CREB3L3: variants seen among roughly 807,000 people sequenced by gnomAD.
CREB3L3 encodes the protein cAMP responsive element binding protein 3 like 3, also known as cyclic AMP-responsive element-binding protein 3-like protein 3.
Under a neutral mutation model 44.6 loss-of-function variants are expected in CREB3L3, and 40 were observed. That is an observed-to-expected ratio of 0.90 (90% CI 0.70 to 1.17). The LOEUF (loss-of-function observed/expected upper bound fraction) is 1.17. Among genes scored for constraint, CREB3L3 ranks in the 50% most tolerant of loss-of-function variants. CREB3L3 has a pLI of 0.00. For synonymous variants in CREB3L3, 273 were observed against 256.3 expected, an observed-to-expected ratio of 1.06 and a Z score of -0.62; for missense variants, 578 against 595.8, an observed-to-expected ratio of 0.97 and a Z score of 0.31.
chr19:4,170,312 A>G (rs1967015066), intron 7 of CREB3L3, 104 bp downstream of exon 7: 4 of 1,210,890 alleles, frequency 3.3e-6, no homozygotes, highest in Non-Finnish European at 4.9e-6. Context: ...CATAGGGAAT[A>G]AGAGTTTTAC....
At chr19:4,166,563 A>ATT (rs377234051) in intron 5 of CREB3L3, among the ~76,000 whole-genome samples, 23 of 131,460 alleles carry the variant, frequency 1.7e-4, no homozygotes, top group African/African-American at 5.5e-4. Flanking sequence ...TGCGCCCAGC[A>ATT]TTTTTTTTTT....
chr19:4,168,853 T>A (rs1193141277), intron 6 of CREB3L3, among the ~76,000 whole-genome samples: 1 of 152,002 alleles, frequency 6.6e-6, no homozygotes, highest in African/African-American at 2.4e-5. Flanking sequence ...TGCCTCAGCC[T>A]CTCCAGAAGC....
chr19:4,161,723 A>G (rs1304151731), intron 4 of CREB3L3, among the ~76,000 whole-genome samples: 1 of 152,202 alleles, frequency 6.6e-6, no homozygotes, highest in East Asian at 1.9e-4. Flanking sequence ...CTGTTTCTCC[A>G]ATGCCAAAGG....
chr19:4,164,181 A>T (rs641554), intron 4 of CREB3L3, among the ~76,000 whole-genome samples: 2 of 151,096 alleles, frequency 1.3e-5, no homozygotes, highest in East Asian at 3.9e-4. Context: ...CACCATGTTG[A>T]CCAGGATGGT....
intron 4 of CREB3L3, among the ~76,000 whole-genome samples, chr19:4,163,458 G>A (rs544935818): frequency 6.6e-6 from 1 of 152,250 alleles, no homozygotes; most frequent in East Asian, 1.9e-4. Context: ...AGAATGACCC[G>A]GTCAAAGGAC....
chr19:4,171,667 A>C lies in CREB3L3; in HGVS notation c.1084A>C (p.Thr362Pro). Residue 362 changes from threonine to proline, a missense_variant, in exon 10 of 10, where the codon ACT (threonine) becomes CCT (proline). By Grantham distance (38) the Thr-to-Pro change is conservative. Coordinates refer to ENST00000078445, the MANE Select transcript of CREB3L3 (RefSeq NM_032607.3). The surrounding 1 kb of genome is among the most constrained non-coding windows in gnomAD (Gnocchi z 4.9). ...DFAPVRVFSR[T>P]LHNDAASRVA... ...CCTTCCCCAATCAGTGTTCTCCAGA[A>C]CTTTGCACAACGATGCTGCCTCCCG... The C allele has an allele frequency of 6.2e-7, 1 of 1,613,172 alleles. No homozygotes were observed. Among genetic ancestry groups the C allele is most frequent in the Non-Finnish European group, 8.5e-7 (1 of 1,179,946 alleles).
intron 5 of CREB3L3, among the ~76,000 whole-genome samples, chr19:4,168,045 C>T (rs368662722): frequency 6.6e-6 from 1 of 150,658 alleles, no homozygotes; most frequent in East Asian, 1.9e-4. Flanking sequence ...GTTGCCCAGG[C>T]TGGATTGCAA....
In CREB3L3 at chr19:4,171,942, G is replaced by GCTGGAGGC; in HGVS notation, c.1360_1367dup (p.Ala457TrpfsTer62). On this transcript the variant is annotated frameshift_variant, in exon 10 of 10. Transcript: ENST00000078445. LOFTEE classifies it high-confidence loss of function. This position sits in a 1 kb window ranked among gnomAD's most constrained non-coding sequence, Gnocchi z 4.9. The stretch of plus-strand genomic sequence containing the variant: ...CGAGCACTGGCTCAGGACGTGCAGG[G>GCTGGAGGC]CTGGAGGCGGCGGGAGACGAGCTGT... 1 of 1,606,600 alleles carries GCTGGAGGC rather than the reference G, an allele frequency of 6.2e-7. No homozygotes were observed. The highest frequency in any genetic ancestry group is 8.5e-7 in the Non-Finnish European group (1 of 1,177,488).
At chr19:4,165,732 G>A (rs1055613986) in intron 5 of CREB3L3, among the ~76,000 whole-genome samples, 4 of 151,816 alleles carry the variant, frequency 2.6e-5, no homozygotes, top group African/African-American at 7.3e-5. Flanking sequence ...CTGGTGGTGG[G>A]CAACTGTAAG....
intron 5 of CREB3L3, among the ~76,000 whole-genome samples, chr19:4,166,416 G>C (rs1481815901): frequency 7.4e-6 from 1 of 134,556 alleles, no homozygotes; most frequent in Admixed American, 8.6e-5. Flanking sequence ...CACCACGCCT[G>C]GCTAATTTTT....
Position 4,157,092 on chromosome 19 carries a change from G to C in CREB3L3, c.254G>C (p.Ser85Thr). 1.2e-6 allele frequency: 2 copies of C among 1,614,038 alleles called. No individual in the cohort carries two copies. The highest frequency in any genetic ancestry group is 1.7e-6 in the Non-Finnish European group (2 of 1,179,996). ...PSSPLWSPEG[S>T]DSGISEDLPS... The stretch of plus-strand genomic sequence containing the variant: ...TCCCCACTCTGGTCCCCCGAAGGCA[G>C]TGATAGTGGCATCTCCGAAGACCTC... The change falls in exon 3 of 10, where the codon AGT (serine) becomes ACT (threonine). Residue 85 changes from serine to threonine, a missense_variant. Physicochemically the swap from Ser to Thr is moderately conservative, Grantham distance 58. Transcript: ENST00000078445.
At chr19:4,163,965 G>A (rs561266819) in intron 4 of CREB3L3, among the ~76,000 whole-genome samples, 65 of 148,260 alleles carry the variant, frequency 4.4e-4, no homozygotes, top group South Asian at 8.7e-4. Flanking sequence ...CACCATGGTC[G>A]GGTAATTTTT....
chr19:4,159,669 T>G lies in CREB3L3; in HGVS notation c.463T>G (p.Trp155Gly), dbSNP rs2041633096. ...TCCCCACCTGCCCTGGTCAGAAATG[T>G]GGAGCCCAGGAGGAAGGATCTGTGC... ...EASVTIDLEM[W>G]SPGGRICAEK... Residue 155 changes from tryptophan (W) to glycine (G), a missense_variant, in exon 4 of 10, where the codon TGG becomes GGG. Physicochemically the swap from Trp to Gly is radical, Grantham distance 184. Transcript: ENST00000078445. 8 of 1,510,840 alleles carry G rather than the reference T, an allele frequency of 5.3e-6. No individual in the cohort carries two copies. The highest frequency in any genetic ancestry group is 7.4e-6 in the Non-Finnish European group (8 of 1,085,824). 93.6% of individuals were successfully genotyped at this position (1,510,840 alleles called of 1,614,324 possible). A position where few individuals can be genotyped will look rare whatever the true frequency, so the allele number is the denominator to read the frequency against.
In CREB3L3 at chr19:4,157,479, G is replaced by A. The variant is rs529204357; in HGVS notation, c.457+184G>A. On this transcript the variant is annotated intron_variant, in intron 3 of 9. Transcript: ENST00000078445. ...TGGCTAGGTGTTTCCATGCTTTCAC[G>A]TGGATGCTATTGGGAGCCCATTTTC... is the stretch of plus-strand genomic sequence containing the variant. 2.9e-3 allele frequency among the ~76,000 whole-genome samples: 436 copies of A among 152,248 alleles called. 1 individual carries two copies. Among genetic ancestry groups the A allele is most frequent in the African/African-American group, 0.01 (420 of 41,554 alleles).
intron 3 of CREB3L3, among the ~76,000 whole-genome samples, chr19:4,158,521 G>A (rs1420887969): frequency 6.6e-6 from 1 of 151,742 alleles, no homozygotes; most frequent in Non-Finnish European, 1.5e-5. Flanking sequence ...AACAAAAAAT[G>A]CTGGGCACAG....
intron 6 of CREB3L3, among the ~76,000 whole-genome samples, chr19:4,169,093 C>T (rs926514242): frequency 6.6e-6 from 1 of 152,030 alleles, no homozygotes; most frequent in African/African-American, 2.4e-5. Context: ...CAGGGTCATT[C>T]CCCCCACCAC....
At position 4,163,970 on chromosome 19, in the gene CREB3L3, A is replaced by ATT. The variant is rs746262345; in HGVS notation, c.577-513_577-512dup. On this transcript the variant is annotated intron_variant, in intron 4 of 9. Transcript: ENST00000078445. Reference sequence around the variant, plus strand: ...CAGGCGCCGCCACCATGGTCGGGTAATTTTTTTTTTTTTTTTTTTTTGAGA... The same window carrying ATT: ...CAGGCGCCGCCACCATGGTCGGGTAATTTTTTTTTTTTTTTTTTTTTTTGAGA... 4.3e-3 allele frequency among the ~76,000 whole-genome samples: 490 copies of ATT among 114,862 alleles called. 2 individuals carry two copies. The highest frequency in any genetic ancestry group is 7.7e-3 in the South Asian group (25 of 3,248). 75.4% of individuals were successfully genotyped at this position (114,862 alleles called of 152,430 possible).
rs1967072573 is a variant in CREB3L3, at chr19:4,172,349, C to T, written c.*380C>T. The stretch of plus-strand genomic sequence containing the variant: ...CAGACAGACACAGCCTGAAACAGAC[C>T]CAGACAGACAGACAGACAGCCTGAA... On this transcript the variant is annotated 3_prime_UTR_variant, in exon 10 of 10. Coordinates refer to ENST00000078445, the MANE Select transcript of CREB3L3 (RefSeq NM_032607.3). 2 of 358,976 alleles carry T rather than the reference C, an allele frequency of 5.6e-6. No homozygotes were observed. Among genetic ancestry groups the T allele is most frequent in the African/African-American group, 4.7e-5 (2 of 42,480 alleles). 22.2% of individuals were successfully genotyped at this position (358,976 alleles called of 1,614,324 possible). A position where few individuals can be genotyped will look rare whatever the true frequency, so the allele number is the denominator to read the frequency against.
chr19:4,163,353 AAGG>A (rs2041685978), intron 4 of CREB3L3, among the ~76,000 whole-genome samples: 1 of 149,524 alleles, frequency 6.7e-6, no homozygotes. Flanking sequence ...AGAAAGAAAG[AAGG>A]AAGGAAGGAA....
Sources: gnomAD v4.1 joint callset for allele counts (sites outside exome capture counted in the v4.1 genomes callset) on GRCh38, gnomAD v4.1.1 for gene constraint, Gnocchi (gnomAD v3.1) non-coding constraint, MANE v1.5 for transcripts, NCBI Gene and HGNC (gene_info 2026-07-23, HGNC 2026-07-21) for gene names.